Variants in STARD9 observed in about 807,000 individuals in gnomAD.
STARD9 encodes stAR-related lipid transfer protein 9.
In STARD9, 346 loss-of-function variants were observed where a neutral mutation model predicts 399.8. The ratio of observed to expected loss-of-function variants is 0.87; its 90% CI spans 0.79 to 0.95. STARD9 has a LOEUF of 0.95. STARD9 is among the 40% of genes least tolerant of loss of function. The pLI is 0.00. For missense variants in STARD9, 5,832 were observed against 5,667.5 expected, an observed-to-expected ratio of 1.03 and a Z score of -0.93; for synonymous variants, 2,203 against 2,143.5, an observed-to-expected ratio of 1.03 and a Z score of -0.77.
At chr15:42,599,527 A>G (rs536471698) in intron 3 of STARD9, among the ~76,000 whole-genome samples, 1 of 152,328 alleles carries the variant, frequency 6.6e-6, no homozygotes, top group East Asian at 1.9e-4. Flanking sequence ...GGTTCAGTTA[A>G]AATGATGCTT....
intron 18 of STARD9, 102 bp downstream of exon 18, chr15:42,675,066 A>C (rs1595749389): frequency 3.9e-6 from 5 of 1,266,842 alleles, no homozygotes. Flanking sequence ...AAAATGGATC[A>C]CCCAGCCTCT....
rs933021932 is a variant in STARD9, at chr15:42,692,744, G to C, written c.11166G>C (p.Leu3722=). Residue 3722 remains leucine, a synonymous_variant, in exon 23 of 33, where the codon CTG becomes CTC. Coordinates refer to ENST00000290607, the MANE Select transcript of STARD9 (RefSeq NM_020759.3). The stretch of plus-strand genomic sequence containing the variant: ...TCCCAGATAAAGCCCCACAGGCCCT[G>C]ATGATGGATGGCTCTACTCAGACCA... ...RDIPDKAPQA[L]MMDGSTQTTV... The C allele has an allele frequency of 1.3e-6, 2 of 1,537,150 alleles. No homozygotes were observed. Among genetic ancestry groups the C allele is most frequent in the Non-Finnish European group, 1.7e-6 (2 of 1,146,904 alleles).
Position 42,682,426 on chromosome 15 carries a change from G to A in STARD9, c.2388G>A (p.Trp796Ter). ...KRLEKLTTLC[W>*]LQDDSTQEPP... ...TGGAGAAGCTCACGACATTGTGCTG[G>A]CTCCAGGATGACAGCACCCAGGAGC... Residue 796 changes from tryptophan to a stop codon, truncating the protein, a stop_gained, in exon 22 of 33, where the codon TGG (tryptophan) becomes TGA (stop). Transcript: ENST00000290607. LOFTEE classifies it high-confidence loss of function. 11 of 1,537,194 alleles carry A rather than the reference G, an allele frequency of 7.2e-6. No individual in the cohort carries two copies. Among genetic ancestry groups the A allele is most frequent in the Non-Finnish European group, 8.7e-6 (10 of 1,146,890 alleles).
chr15:42,665,446 C>A, intron 14 of STARD9, 116 bp downstream of exon 14: 2 of 813,008 alleles, frequency 2.5e-6, no homozygotes, highest in African/African-American at 1.7e-5. Context: ...GACTCTCTTA[C>A]GGCAGAGACA....
intron 26 of STARD9, among the ~76,000 whole-genome samples, chr15:42,713,564 C>T (rs2061291878): frequency 6.6e-6 from 1 of 152,122 alleles, no homozygotes; most frequent in Admixed American, 6.6e-5. Flanking sequence ...TGAGGAAATT[C>T]CCTTATATTC....
At chr15:42,681,354 C>T (rs752538746) in intron 20 of STARD9, 68 bp from the exon 21 acceptor site, 3 of 1,462,884 alleles carry the variant, frequency 2.1e-6, no homozygotes, top group Non-Finnish European at 2.7e-6. Flanking sequence ...AGGCCTTACA[C>T]TGCTATCAGT....
chr15:42,581,473 C>T, intron 1 of STARD9: 2 of 1,528,418 alleles, frequency 1.3e-6, no homozygotes, highest in South Asian at 1.2e-5. Flanking sequence ...TGGCCGCTGC[C>T]AGCGGAGGAG....
At chr15:42,604,173 C>T (rs2141769151) in intron 3 of STARD9, among the ~76,000 whole-genome samples, 1 of 152,322 alleles carries the variant, frequency 6.6e-6, no homozygotes, top group Non-Finnish European at 1.5e-5. Flanking sequence ...ATTTCTTTCA[C>T]TGCCATAACT....
At chr15:42,575,936 C>T (rs2058044505) in intron 1 of STARD9, among the ~76,000 whole-genome samples, 174 bp downstream of exon 1, 1 of 152,134 alleles carries the variant, frequency 6.6e-6, no homozygotes, top group Non-Finnish European at 1.5e-5. Context: ...GTCGAGCTTT[C>T]GCGTTGTGTC....
intron 3 of STARD9, among the ~76,000 whole-genome samples, chr15:42,627,410 C>T (rs1005292273): frequency 3.3e-5 from 5 of 152,144 alleles, no homozygotes; most frequent in Non-Finnish European, 5.9e-5. Flanking sequence ...AATGGGATAT[C>T]CATCACCTCA....
intron 1 of STARD9, among the ~76,000 whole-genome samples, chr15:42,580,906 T>G (rs1443381836): frequency 2.6e-5 from 4 of 152,062 alleles, no homozygotes; most frequent in Admixed American, 2.6e-4. Context: ...TCAATCTAAC[T>G]TGTTTAACTG....
chr15:42,654,805 C>T (rs896876042), intron 9 of STARD9, among the ~76,000 whole-genome samples: 1 of 152,196 alleles, frequency 6.6e-6, no homozygotes, highest in Non-Finnish European at 1.5e-5. Context: ...AAACATATCT[C>T]ATGCTCATGG....
intron 7 of STARD9, among the ~76,000 whole-genome samples, chr15:42,648,374 G>A (rs975037742): frequency 2.0e-5 from 3 of 152,148 alleles, no homozygotes; most frequent in Non-Finnish European, 4.4e-5. Flanking sequence ...TGTTGGCCAG[G>A]CTGATCTTGA....
intron 3 of STARD9, among the ~76,000 whole-genome samples, chr15:42,626,333 C>T (rs1273872934): frequency 1.4e-5 from 2 of 143,432 alleles, no homozygotes; most frequent in Admixed American, 7.1e-5. Flanking sequence ...CCTCCTCTTC[C>T]TCTTCTTCCT....
chr15:42,690,559 T>A lies in STARD9; in HGVS notation c.8981T>A (p.Ile2994Asn). 6.5e-7 allele frequency: 1 copy of A among 1,537,056 alleles called. No homozygotes were observed. Among genetic ancestry groups the A allele is most frequent in the East Asian group, 2.4e-5 (1 of 40,908 alleles). The change falls in exon 23 of 33, where the codon ATC becomes AAC. Residue 2994 changes from isoleucine to asparagine, a missense_variant. By Grantham distance (149) the Ile-to-Asn change is moderately radical (BLOSUM62 -3). Transcript: ENST00000290607. ...KEPFKAAPHT[I>N]HPPCVVPSRA... Reference sequence around the variant, plus strand: ...CCTTTCAAGGCTGCCCCACATACTATCCACCCACCCTGTGTAGTACCTTCC... The same window carrying A: ...CCTTTCAAGGCTGCCCCACATACTAACCACCCACCCTGTGTAGTACCTTCC...
chr15:42,633,844 A>C (rs1024453075), intron 3 of STARD9, among the ~76,000 whole-genome samples: 6 of 151,964 alleles, frequency 3.9e-5, no homozygotes, highest in Admixed American at 6.6e-5. Flanking sequence ...GGGTTTCGCC[A>C]TGTTGGCCAG....
intron 9 of STARD9, among the ~76,000 whole-genome samples, chr15:42,653,811 A>T (rs967572005): frequency 2.0e-5 from 3 of 152,066 alleles, no homozygotes; most frequent in African/African-American, 4.8e-5. Context: ...GAGTAAATAT[A>T]AAAAAAACCT....
rs2060562626 is a variant in STARD9 at position 42,686,550 on chromosome 15, A to C, written c.4972A>C (p.Asn1658His). ...DFFQKNACHS[N>H]VTTATKADHW... ...TTTCCAGAAGAACGCTTGTCACAGT[A>C]ATGTCACTACAGCCACCAAAGCAGA... Residue 1658 changes from asparagine to histidine, a missense_variant, in exon 23 of 33, where the codon AAT becomes CAT. Coordinates refer to ENST00000290607, the MANE Select transcript of STARD9 (RefSeq NM_020759.3). 6.5e-7 allele frequency: 1 copy of C among 1,537,566 alleles called. No individual in the cohort carries two copies.
Position 42,716,677 on chromosome 15 carries a change from G to A in STARD9, c.13285G>A (p.Gly4429Arg), listed in dbSNP as rs986710763. The change falls in exon 27 of 33, where the codon GGG (glycine) becomes AGG (arginine). Residue 4429 changes from glycine to arginine, a missense_variant and splice_region_variant. Around this residue, in one of 2 missense-constraint regions of STARD9, gnomAD observed 5,828 missense variants for 5,651.1 expected, o/e 1.03. Coordinates refer to ENST00000290607, the MANE Select transcript of STARD9 (RefSeq NM_020759.3). ...GTCCTGAGTATCCTCTCTTCTGCAG[G>A]GGCATACAAACTTGCCTGATTCCAG... ...SGQLQFPENM[G>R]HTNLPDSRDV... The A allele has an allele frequency of 3.3e-6, 5 of 1,530,024 alleles. No individual in the cohort carries two copies. Among genetic ancestry groups the A allele is most frequent in the Non-Finnish European group, 4.4e-6 (5 of 1,140,454 alleles). The allele number at this position is 1,530,024 out of a possible 1,614,324, so 94.8% of individuals were successfully genotyped here.
Sources: gnomAD v4.1 joint callset for allele counts (sites outside exome capture counted in the v4.1 genomes callset) on GRCh38, gnomAD v4.1.1 for gene constraint, gnomAD v4.1.1 regional missense constraint, MANE v1.5 for transcripts, NCBI Gene and HGNC (gene_info 2026-07-23, HGNC 2026-07-21) for gene names.